Variants in RABGAP1L observed in about 807,000 individuals in gnomAD.
RABGAP1L encodes the protein rab GTPase-activating protein 1-like.
RABGAP1L carries 63 observed loss-of-function variants against 137.7 expected under a neutral mutation model. That is an observed-to-expected ratio of 0.46 (90% CI 0.37 to 0.56). The LOEUF (loss-of-function observed/expected upper bound fraction) is 0.56. Among genes scored for constraint, RABGAP1L ranks in the 20% least tolerant of loss-of-function variants. The pLI is 0.00. For missense variants in RABGAP1L, 1,095 were observed against 1,244.0 expected (o/e 0.88, Z 1.80); for synonymous variants, 431 against 433.7 (o/e 0.99, Z 0.08).
chr1:174,345,993 A>G (rs572839219), intron 11 of RABGAP1L, among the ~76,000 whole-genome samples: 5 of 152,268 alleles, frequency 3.3e-5, no homozygotes, highest in South Asian at 2.1e-4. Context: ...TTAAGCATCA[A>G]TTGAAATGCT....
chr1:174,914,491 G>A (rs1221918249), intron 19 of RABGAP1L, among the ~76,000 whole-genome samples: 1 of 152,138 alleles, frequency 6.6e-6, no homozygotes, highest in Non-Finnish European at 1.5e-5. Flanking sequence ...AAGCAGAGTG[G>A]ATACTGAAGT....
At chr1:174,491,469 C>T (rs1445993977) in intron 13 of RABGAP1L, among the ~76,000 whole-genome samples, 1 of 151,956 alleles carries the variant, frequency 6.6e-6, no homozygotes, top group Non-Finnish European at 1.5e-5. Context: ...CCTCTTTACT[C>T]TTCCCTTTCC....
At chr1:174,720,440 A>G (rs1467860119) in intron 17 of RABGAP1L, among the ~76,000 whole-genome samples, 1 of 151,824 alleles carries the variant, frequency 6.6e-6, no homozygotes, top group Non-Finnish European at 1.5e-5. Flanking sequence ...CAGCTTCCTG[A>G]GTGGCTGGGA....
At chr1:174,773,494 A>G (rs549386538) in intron 18 of RABGAP1L, among the ~76,000 whole-genome samples, 53 of 152,354 alleles carry the variant, frequency 3.5e-4, no homozygotes, top group African/African-American at 1.1e-3. Context: ...CTATGTTGAC[A>G]TCATACTATG....
chr1:174,599,239 A>G (rs1670232835), intron 13 of RABGAP1L, among the ~76,000 whole-genome samples: 1 of 152,244 alleles, frequency 6.6e-6, no homozygotes. Flanking sequence ...TCACACTTTT[A>G]TTCATCTCTC....
intron 19 of RABGAP1L, among the ~76,000 whole-genome samples, chr1:174,865,843 CTA>C (rs754618568): frequency 6.6e-6 from 1 of 152,052 alleles, no homozygotes; most frequent in Non-Finnish European, 1.5e-5. Flanking sequence ...CTACAATTGA[CTA>C]ATATAGAGCT....
intron 19 of RABGAP1L, among the ~76,000 whole-genome samples, chr1:174,899,219 G>A (rs1265824091): frequency 2.0e-5 from 3 of 152,030 alleles, no homozygotes; most frequent in African/African-American, 7.2e-5. Context: ...CAAAAAAACC[G>A]AGCAGACAAA....
chr1:174,229,030 T>A (rs531110782), intron 3 of RABGAP1L, among the ~76,000 whole-genome samples: 14 of 149,908 alleles, frequency 9.3e-5, no homozygotes, highest in Non-Finnish European at 1.6e-4. Context: ...TTTTTTTTTT[T>A]AAAGAAATTC....
At chr1:174,702,653 T>C (rs953283097) in intron 17 of RABGAP1L, among the ~76,000 whole-genome samples, 4 of 152,146 alleles carry the variant, frequency 2.6e-5, no homozygotes, top group African/African-American at 9.7e-5. Context: ...TAATAACTAA[T>C]TTCTCAGTTC....
At chr1:174,982,341 G>A (rs1671215728) in intron 23 of RABGAP1L, among the ~76,000 whole-genome samples, 1 of 151,972 alleles carries the variant, frequency 6.6e-6, no homozygotes, top group East Asian at 1.9e-4. Flanking sequence ...ATGACCATGT[G>A]TTCTCATTGT....
At chr1:174,696,038 A>G (rs1679231653) in intron 15 of RABGAP1L, among the ~76,000 whole-genome samples, 3 of 152,086 alleles carry the variant, frequency 2.0e-5, no homozygotes, top group South Asian at 4.1e-4. Context: ...ACTGGCTACT[A>G]TGGCTGCAAC....
intron 18 of RABGAP1L, among the ~76,000 whole-genome samples, chr1:174,752,989 G>A (rs1182642726): frequency 6.6e-6 from 1 of 152,172 alleles, no homozygotes; most frequent in African/African-American, 2.4e-5. Context: ...TGATATTAAA[G>A]GCAATAATTG....
chr1:174,677,553 A>G (rs1330560834), intron 14 of RABGAP1L, among the ~76,000 whole-genome samples: 1 of 152,242 alleles, frequency 6.6e-6, no homozygotes, highest in Non-Finnish European at 1.5e-5. Flanking sequence ...GTTGTTCCAC[A>G]GTGGTCCTAG....
chr1:174,577,242 C>G, intron 13 of RABGAP1L, among the ~76,000 whole-genome samples: 1 of 148,540 alleles, frequency 6.7e-6, no homozygotes, highest in Non-Finnish European at 1.5e-5. Context: ...CACACACACA[C>G]ACACACACAC....
At chr1:174,225,962 A>G (rs576822231) in intron 3 of RABGAP1L, among the ~76,000 whole-genome samples, 4 of 152,258 alleles carry the variant, frequency 2.6e-5, no homozygotes, top group East Asian at 3.9e-4. Flanking sequence ...AGATGCTTAC[A>G]GTACCACCGC....
At chr1:174,330,283 G>A (rs1571250598) in intron 11 of RABGAP1L, among the ~76,000 whole-genome samples, 1 of 152,128 alleles carries the variant, frequency 6.6e-6, no homozygotes, top group East Asian at 1.9e-4. Context: ...AATCAAGAAA[G>A]AAATCCTATT....
chr1:174,348,419 T>G (rs996758662), intron 11 of RABGAP1L, among the ~76,000 whole-genome samples: 9 of 151,038 alleles, frequency 6.0e-5, no homozygotes, highest in Non-Finnish European at 1.2e-4. Flanking sequence ...ACTTCTAAAC[T>G]TTTTGTTGTT....
rs567670586 is a variant in RABGAP1L, at chr1:174,463,160, G to C, written c.1710+69015G>C. 2.4e-4 allele frequency among the ~76,000 whole-genome samples: 36 copies of C among 152,182 alleles called. No homozygotes were observed. In the South Asian group the frequency reaches 5.2e-3, roughly 22 times the overall value. On this transcript the variant is annotated intron_variant, in intron 13 of 25. Coordinates refer to ENST00000681986, the MANE Select transcript of RABGAP1L (RefSeq NM_001366446.1). ...CATTTGACCCAGCCATCCCATTACT[G>C]GGTATATACCCAAAGGACTATAAAT...
At chr1:174,340,027 T>C (rs1681832575) in intron 11 of RABGAP1L, among the ~76,000 whole-genome samples, 1 of 152,244 alleles carries the variant, frequency 6.6e-6, no homozygotes, top group Admixed American at 6.5e-5. Flanking sequence ...TAAATACTTC[T>C]ATTTGGTTAT....
Sources: allele counts gnomAD v4.1 joint callset (sites outside exome capture counted in the v4.1 genomes callset), GRCh38; gene constraint gnomAD v4.1.1; transcripts MANE v1.5; gene names NCBI Gene and HGNC (gene_info 2026-07-23, HGNC 2026-07-21).